The following PPP2R5C variants were observed in gnomAD, a reference collection of about 807,000 sequenced individuals.
The protein encoded by PPP2R5C is serine/threonine-protein phosphatase 2A 56 kDa regulatory subunit gamma isoform.
Under a neutral mutation model 68.9 loss-of-function variants are expected in PPP2R5C, and 7 were observed. The observed-to-expected ratio is 0.10, with a 90% CI of 0.06 to 0.19. The LOEUF is 0.19. Ranked by LOEUF, PPP2R5C falls within the 10% of genes least tolerant of loss-of-function variation. The pLI is 1.00. For synonymous variants in PPP2R5C, 210 were observed against 222.2 expected (o/e 0.95, Z 0.49); for missense variants, 348 against 641.3 (o/e 0.54, Z 4.94).
chr14:101,783,886 T>C (rs1342156018), intron 2 of PPP2R5C, among the ~76,000 whole-genome samples: 1 of 152,186 alleles, frequency 6.6e-6, no homozygotes, highest in Non-Finnish European at 1.5e-5. Flanking sequence ...GAGCAGCTCC[T>C]CCAGACTGTG....
rs562130121 is a variant in PPP2R5C, at chr14:101,918,081, T to C, written c.1443+134T>C. 7 of 1,248,636 alleles carry C rather than the reference T, an allele frequency of 5.6e-6. No homozygotes were observed. The East Asian group carries it at 1.0e-4, about 18-fold the overall frequency. The allele number at this position is 1,248,636 out of a possible 1,614,324, so 77.3% of individuals were successfully genotyped here. A position where few individuals can be genotyped will look rare whatever the true frequency, so the allele number is the denominator to read the frequency against. On this transcript the variant is annotated intron_variant, in intron 13 of 13. Transcript: ENST00000334743. ...TAAAACTTAAATTTTGCTAGTCTTATAGGAAACATTGTATCGATAGATCTT... is the reference window on the plus strand; with the variant it reads ...TAAAACTTAAATTTTGCTAGTCTTACAGGAAACATTGTATCGATAGATCTT...
rs550135167 is a variant in PPP2R5C, at chr14:101,856,943, C to T, written c.294+58C>T. The stretch of plus-strand genomic sequence containing the variant: ...GTTCTGATTTATAAACAGGACAGGC[C>T]AAGATCTCTGAGCCTAACACAGTGC... On this transcript the variant is annotated intron_variant, in intron 2 of 13. Transcript: ENST00000334743. 1.5e-5 allele frequency: 23 copies of T among 1,507,570 alleles called. No individual in the cohort carries two copies. In the East Asian group the frequency reaches 5.0e-4, roughly 33 times the overall value. The allele number at this position is 1,507,570 out of a possible 1,614,324, so 93.4% of individuals were successfully genotyped here.
intron 2 of PPP2R5C, among the ~76,000 whole-genome samples, chr14:101,866,138 G>A (rs2043052139): frequency 1.3e-5 from 2 of 152,124 alleles, no homozygotes; most frequent in African/African-American, 4.8e-5. Flanking sequence ...CAGGTGATCT[G>A]CCCACCTCAG....
intron 2 of PPP2R5C, among the ~76,000 whole-genome samples, chr14:101,771,420 G>A (rs780196424): frequency 3.3e-5 from 5 of 151,832 alleles, no homozygotes; most frequent in Non-Finnish European, 7.4e-5. Context: ...ACACTATCTT[G>A]TATATATTTC....
At chr14:101,776,894 T>C (rs1164980333) in intron 2 of PPP2R5C, among the ~76,000 whole-genome samples, 2 of 151,544 alleles carry the variant, frequency 1.3e-5, no homozygotes, top group Non-Finnish European at 2.9e-5. Flanking sequence ...TTTTTTTTTT[T>C]TTTTGAGATG....
At chr14:101,772,483 T>C (rs2037200711) in intron 2 of PPP2R5C, among the ~76,000 whole-genome samples, 1 of 152,168 alleles carries the variant, frequency 6.6e-6, no homozygotes, top group South Asian at 2.1e-4. Flanking sequence ...AAACACAAAA[T>C]TTATTTTGGG....
intron 2 of PPP2R5C, among the ~76,000 whole-genome samples, chr14:101,881,574 G>T (rs1221935700): frequency 6.6e-6 from 1 of 152,212 alleles, no homozygotes; most frequent in Non-Finnish European, 1.5e-5. Context: ...CAGCCATGCT[G>T]CCCCTACCGA....
In PPP2R5C at chr14:101,794,723, A is replaced by G. The variant is rs556884333; in HGVS notation, c.259+8540A>G. Among the ~76,000 whole-genome samples, 13 of 152,316 alleles carry G rather than the reference A, an allele frequency of 8.5e-5. 1 individual carries two copies. The South Asian group carries it at 2.7e-3, about 32-fold the overall frequency. ...TGTCTCTTACTAAGCTAATGCCTAG[A>G]TAATCATTATCATCGCTCTTGTAAA... On this transcript the variant is annotated intron_variant, in intron 3 of 14. Coordinates refer to the PPP2R5C transcript ENST00000328724.
At chr14:101,887,242 C>T (rs949331746) in intron 5 of PPP2R5C, among the ~76,000 whole-genome samples, 1 of 152,200 alleles carries the variant, frequency 6.6e-6, no homozygotes, top group Admixed American at 6.5e-5. Flanking sequence ...GGAGGCTGGG[C>T]GGGCAGGGCA....
chr14:101,809,394 AAAAAAAAAAAC>A (rs1419679360), upstream of PPP2R5C, among the ~76,000 whole-genome samples: 317 of 140,574 alleles, frequency 2.3e-3, 2 homozygotes, highest in African/African-American at 7.3e-3. Context: ...CCATTTGTTA[AAAAAAAAAAAC>A]AAAAAAAAAA....
At chr14:101,896,948 G>A (rs1001714865) in intron 8 of PPP2R5C, among the ~76,000 whole-genome samples, 1 of 152,144 alleles carries the variant, frequency 6.6e-6, no homozygotes, top group Non-Finnish European at 1.5e-5. Context: ...CTGCTTTCTT[G>A]TAAGTTTTTA....
intron 2 of PPP2R5C, among the ~76,000 whole-genome samples, chr14:101,873,937 A>T (rs1459100931): frequency 6.6e-6 from 1 of 152,136 alleles, no homozygotes; most frequent in African/African-American, 2.4e-5. Flanking sequence ...GTAATTTTAT[A>T]TATTTTTGCC....
At chr14:101,878,394 G>A (rs944136612) in intron 2 of PPP2R5C, among the ~76,000 whole-genome samples, 7 of 152,238 alleles carry the variant, frequency 4.6e-5, no homozygotes, top group Non-Finnish European at 7.3e-5. Flanking sequence ...AGGATTCAGT[G>A]AGTGTGCAGG....
intron 3 of PPP2R5C, among the ~76,000 whole-genome samples, chr14:101,802,107 A>G (rs1321825251): frequency 6.6e-6 from 1 of 152,214 alleles, no homozygotes; most frequent in Non-Finnish European, 1.5e-5. Context: ...CTGGGTACTC[A>G]CATGCAAAAG....
Position 101,830,216 on chromosome 14 carries a change from C to A in PPP2R5C, c.94+20180C>A, listed in dbSNP as rs1478883295. On this transcript the variant is annotated intron_variant, in intron 1 of 13. Transcript: ENST00000334743. ...ATAGGAGAGTGAGAATTTCCAAGTT[C>A]ATTAATTCGGGTTCCTGTTACCAAC... is the stretch of plus-strand genomic sequence containing the variant. Among the ~76,000 whole-genome samples the A allele has an allele frequency of 5.9e-5, 9 of 152,198 alleles. No individual in the cohort carries two copies. The East Asian group carries it at 1.7e-3, about 29-fold the overall frequency.
At chr14:101,798,407 A>G (rs1411660917) in intron 3 of PPP2R5C, among the ~76,000 whole-genome samples, 1 of 152,210 alleles carries the variant, frequency 6.6e-6, no homozygotes. Flanking sequence ...AGTAGGATGT[A>G]TTTACAGGTA....
upstream of PPP2R5C, among the ~76,000 whole-genome samples, chr14:101,808,006 T>C (rs1395779578): frequency 6.6e-6 from 1 of 150,420 alleles, no homozygotes; most frequent in Non-Finnish European, 1.5e-5. Context: ...GCCCAGATCT[T>C]CAATAAGCAT....
intron 2 of PPP2R5C, among the ~76,000 whole-genome samples, chr14:101,764,003 TTGTGTGTGTGTG>T (rs3221573): frequency 2.2e-5 from 3 of 137,222 alleles, no homozygotes; most frequent in South Asian, 2.2e-4. Context: ...ATTGTTCACA[TTGTGTGTGTGTG>T]TGTGTGTGTG....
intron 2 of PPP2R5C, among the ~76,000 whole-genome samples, chr14:101,861,828 A>T (rs979628286): frequency 1.3e-5 from 2 of 152,256 alleles, no homozygotes; most frequent in African/African-American, 4.8e-5. Context: ...TTCTGAAAAA[A>T]TAAGCAAAAT....
Sources: gnomAD v4.1 joint callset for allele counts (sites outside exome capture counted in the v4.1 genomes callset) on GRCh38, gnomAD v4.1.1 for gene constraint, MANE v1.5 for transcripts, NCBI Gene and HGNC (gene_info 2026-07-23, HGNC 2026-07-21) for gene names.